Variants in PSD3 observed in about 807,000 individuals in gnomAD.
PSD3 encodes the protein PH and SEC7 domain-containing protein 3.
Under a neutral mutation model 105.5 loss-of-function variants are expected in PSD3, and 49 were observed. That is an observed-to-expected ratio of 0.46 (90% CI 0.37 to 0.59). The LOEUF is 0.59. Among genes scored for constraint, PSD3 ranks in the 20% least tolerant of loss-of-function variants. PSD3 has a pLI of 0.00. For missense variants in PSD3, 1,561 were observed against 1,263.8 expected, an observed-to-expected ratio of 1.24 and a Z score of -3.57; for synonymous variants, 557 against 457.8, an observed-to-expected ratio of 1.22 and a Z score of -2.77.
chr8:18,684,107 C>A, intron 9 of PSD3: 1 of 545,438 alleles, frequency 1.8e-6, no homozygotes, highest in Non-Finnish European at 3.3e-6. Context: ...TTCAACTACC[C>A]TGTTTGCAGC....
chr8:18,579,557 A>T (rs1389330709), intron 12 of PSD3, among the ~76,000 whole-genome samples: 2 of 152,192 alleles, frequency 1.3e-5, no homozygotes, highest in Non-Finnish European at 2.9e-5. Context: ...AACACCAAGA[A>T]TGTGATTTCA....
intron 11 of PSD3, among the ~76,000 whole-genome samples, chr8:18,607,949 G>A (rs1264501544): frequency 6.6e-6 from 1 of 152,128 alleles, no homozygotes; most frequent in East Asian, 1.9e-4. Flanking sequence ...CAGATCTCAG[G>A]AGAACTCACT....
At chr8:18,740,864 T>A (rs1054788585) in intron 9 of PSD3, among the ~76,000 whole-genome samples, 5 of 152,174 alleles carry the variant, frequency 3.3e-5, no homozygotes, top group Non-Finnish European at 7.3e-5. Context: ...ACCTTCCAGC[T>A]GCTTCCGGGT....
intron 9 of PSD3, chr8:18,733,417 T>G (rs1803914965): frequency 6.6e-6 from 1 of 152,614 alleles, no homozygotes; most frequent in Admixed American, 6.5e-5. Context: ...TATCCTGCAC[T>G]AAAACTGCAA....
chr8:18,801,449 A>G (rs1168130791), intron 6 of PSD3, 67 bp from the exon 7 acceptor site: 1 of 843,554 alleles, frequency 1.2e-6, no homozygotes, highest in African/African-American at 1.7e-5. Flanking sequence ...TTCATAGTTA[A>G]AAGTCAATTT....
intron 9 of PSD3, among the ~76,000 whole-genome samples, chr8:18,701,119 A>G (rs1801552860): frequency 7.0e-6 from 1 of 142,964 alleles, no homozygotes; most frequent in African/African-American, 2.6e-5. Context: ...GTGTGTGCCA[A>G]GAAGCCTGGC....
intron 2 of PSD3, among the ~76,000 whole-genome samples, chr8:18,932,553 T>C (rs2129468683): frequency 6.6e-6 from 1 of 152,350 alleles, no homozygotes; most frequent in East Asian, 1.9e-4. Context: ...AAGCTGAGAC[T>C]TCTCATGGGC....
At chr8:18,672,100 T>C (rs1799817995) in intron 9 of PSD3, among the ~76,000 whole-genome samples, 1 of 152,200 alleles carries the variant, frequency 6.6e-6, no homozygotes. Context: ...TTAATGTCCA[T>C]CTTGTTGGTA....
Position 18,669,096 on chromosome 8 carries a change from C to T in PSD3, c.2173-13411G>A, listed in dbSNP as rs189953829. 4.5e-4 allele frequency among the ~76,000 whole-genome samples: 69 copies of T among 152,356 alleles called. 1 individual carries two copies. The highest frequency in any genetic ancestry group is 5.3e-4 in the Non-Finnish European group (36 of 68,038). On this transcript the variant is annotated intron_variant, in intron 9 of 15. Coordinates refer to ENST00000327040, the MANE Select transcript of PSD3 (RefSeq NM_015310.4). ...ATAACTTGTCTACTCCATCTCCCTACATAGCGTACCTTGCTTAATGCATCC... is the reference window on the plus strand; with the variant it reads ...ATAACTTGTCTACTCCATCTCCCTATATAGCGTACCTTGCTTAATGCATCC...
chr8:18,588,048 G>A lies in PSD3; in HGVS notation c.2481+12316C>T, dbSNP rs1209581169. ...TTAACACATGCTACAACCTGGCCAA[G>A]GGGAAGAAGTTTAACTATCTACTAC... On this transcript the variant is annotated intron_variant, in intron 12 of 15. Transcript: ENST00000327040. Among the ~76,000 whole-genome samples, 3 of 152,226 alleles carry A rather than the reference G, an allele frequency of 2.0e-5. No individual in the cohort carries two copies. The East Asian group carries it at 5.8e-4, about 29-fold the overall frequency.
At chr8:18,789,076 C>A (rs1277121989) in intron 8 of PSD3, among the ~76,000 whole-genome samples, 1 of 152,112 alleles carries the variant, frequency 6.6e-6, no homozygotes, top group Non-Finnish European at 1.5e-5. Flanking sequence ...ACTTCTCCCA[C>A]CTGTCCTATA....
intron 1 of PSD3, among the ~76,000 whole-genome samples, chr8:18,952,329 A>C (rs1277737712): frequency 6.6e-6 from 1 of 152,182 alleles, no homozygotes; most frequent in East Asian, 1.9e-4. Context: ...AACTTTAAGA[A>C]TGCTTGTTTG....
At chr8:19,050,695 G>A (rs1243805411) in intron 1 of PSD3, among the ~76,000 whole-genome samples, 1 of 152,154 alleles carries the variant, frequency 6.6e-6, no homozygotes, top group Non-Finnish European at 1.5e-5. Flanking sequence ...GTGGGGTGGT[G>A]GGAAGGGGGA....
intron 8 of PSD3, among the ~76,000 whole-genome samples, chr8:18,784,661 C>A (rs1808959130): frequency 6.6e-6 from 1 of 152,094 alleles, no homozygotes; most frequent in Non-Finnish European, 1.5e-5. Flanking sequence ...AAACATTTAT[C>A]CCTTTAATAT....
intron 1 of PSD3, among the ~76,000 whole-genome samples, chr8:19,062,843 T>C (rs1365148385): frequency 6.6e-6 from 1 of 152,206 alleles, no homozygotes; most frequent in East Asian, 1.9e-4. Flanking sequence ...GTATGAAATA[T>C]CAATCTTTTT....
intron 1 of PSD3, among the ~76,000 whole-genome samples, chr8:18,981,375 T>C (rs770999892): frequency 1.3e-5 from 2 of 152,166 alleles, no homozygotes; most frequent in Non-Finnish European, 2.9e-5. Flanking sequence ...CAGGCTCCAG[T>C]GCCAGACTAA....
Position 19,063,127 on chromosome 8 carries a change from G to C in PSD3, c.324+21079C>G, listed in dbSNP as rs549532223. On this transcript the variant is annotated intron_variant, in intron 1 of 1. Coordinates refer to the PSD3 transcript ENST00000521475. ...AAATTTGCTAAAATCAGAGTTGAGA[G>C]TTCCATTGAGTCTGTAAGACGCACC... Among the ~76,000 whole-genome samples the C allele has an allele frequency of 4.6e-5, 7 of 152,328 alleles. No individual in the cohort carries two copies. The East Asian group carries it at 1.4e-3, about 29-fold the overall frequency.
At chr8:19,032,664 A>AG (rs1827809503) in intron 1 of PSD3, among the ~76,000 whole-genome samples, 1 of 151,824 alleles carries the variant, frequency 6.6e-6, no homozygotes, top group African/African-American at 2.4e-5. Flanking sequence ...AAAAAAAAAA[A>AG]AAAGAAAGGA....
chr8:18,559,841 G>C (rs976486206), intron 14 of PSD3, among the ~76,000 whole-genome samples: 19 of 152,032 alleles, frequency 1.2e-4, no homozygotes, highest in African/African-American at 4.3e-4. Flanking sequence ...CCAATACCAG[G>C]GCTTGCTCGG....
Sources: gnomAD v4.1 joint callset for allele counts (sites outside exome capture counted in the v4.1 genomes callset) on GRCh38, gnomAD v4.1.1 for gene constraint, MANE v1.5 for transcripts, NCBI Gene and HGNC (gene_info 2026-07-23, HGNC 2026-07-21) for gene names.